Variants in FKBP11 observed in about 807,000 individuals in gnomAD.
FKBP11 encodes the protein FKBP prolyl isomerase 11.
Under a neutral mutation model 24.7 loss-of-function variants are expected in FKBP11, and 21 were observed. The observed-to-expected ratio is 0.85, with a 90% confidence interval of 0.60 to 1.23. FKBP11 has a LOEUF of 1.23. Among genes scored for constraint, FKBP11 ranks in the 50% most tolerant of loss-of-function variants. FKBP11 has a pLI of 0.00. For synonymous variants in FKBP11, 106 were observed against 100.6 expected (o/e 1.05, Z -0.32); for missense variants, 245 against 248.7 (o/e 0.99, Z 0.10).
Position 48,924,273 on chromosome 12 carries a change from C to A in FKBP11, c.284-17G>T. On this transcript the variant is annotated splice_polypyrimidine_tract_variant and intron_variant, in intron 3 of 5. Transcript: ENST00000550765. ...GCTCCAGACCTTGAAGAAGAAGACA[C>A]AACTGAACTGGAAGCTATCCACCTT... The A allele has an allele frequency of 1.2e-6, 2 of 1,614,200 alleles. No individual in the cohort carries two copies. Among genetic ancestry groups the A allele is most frequent in the East Asian group, 4.5e-5 (2 of 44,886 alleles).
chr12:48,924,727 T>A (rs1415457072), intron 2 of FKBP11, 79 bp from the exon 3 acceptor site: 7 of 1,582,368 alleles, frequency 4.4e-6, no homozygotes, highest in Middle Eastern at 2.2e-4. Context: ...CCTGGACCGC[T>A]GGGCGGCGGC....
the FKBP11 span, among the ~76,000 whole-genome samples, chr12:48,933,176 T>C: frequency 6.6e-6 from 1 of 152,196 alleles, no homozygotes. Flanking sequence ...ATGATTCCAT[T>C]TCCTCTGTCC....
At chr12:48,927,359 G>T (rs1939991652), upstream of FKBP11, among the ~76,000 whole-genome samples, 1 of 151,468 alleles carries the variant, frequency 6.6e-6, no homozygotes, top group African/African-American at 2.4e-5. Context: ...AAAAAAAAAA[G>T]TCCCCTCAGC....
At chr12:48,937,457 G>A in the FKBP11 span, 19,370 of 152,578 alleles carry the variant, frequency 0.13, 1,813 homozygotes, top group African/African-American at 0.26. Flanking sequence ...ACAGAGAGAC[G>A]CAGTAGCAAC....
the FKBP11 span, chr12:48,931,553 T>A: frequency 2.4e-6 from 3 of 1,230,224 alleles, no homozygotes; most frequent in Non-Finnish European, 1.1e-6. Flanking sequence ...TGGCTGGAGA[T>A]ACAACTTAAT....
intron 2 of FKBP11, 30 bp downstream of exon 2, chr12:48,925,015 AG>A: frequency 2.0e-6 from 2 of 1,025,020 alleles, no homozygotes; most frequent in Non-Finnish European, 2.9e-6. Context: ...GCCCCCTCCC[AG>A]GCCCCGCCCC....
upstream of FKBP11, among the ~76,000 whole-genome samples, chr12:48,930,989 C>T (rs1345114240): frequency 2.0e-5 from 3 of 151,786 alleles, no homozygotes; most frequent in Admixed American, 2.0e-4. Flanking sequence ...ATTAGCCAGG[C>T]GTGGTGGCGG....
intron 5 of FKBP11, 107 bp downstream of exon 5, chr12:48,923,675 C>T (rs1939887597): frequency 1.9e-6 from 3 of 1,585,770 alleles, no homozygotes; most frequent in African/African-American, 1.3e-5. Flanking sequence ...TCTGTCTAAA[C>T]AAACTTGGTC....
chr12:48,925,637 C>G (rs1275190455), upstream of FKBP11: 29 of 625,166 alleles, frequency 4.6e-5, no homozygotes, highest in Admixed American at 6.2e-4. Flanking sequence ...CCTCCAAGAT[C>G]CGGAGGGCGC....
At chr12:48,928,816 A>ATATT (rs1339667231), upstream of FKBP11, among the ~76,000 whole-genome samples, 1 of 103,472 alleles carries the variant, frequency 9.7e-6, no homozygotes, top group Non-Finnish European at 2.0e-5. Flanking sequence ...ATAAACTTCT[A>ATATT]TCTTTTTTTT....
At chr12:48,922,331 G>A in intron 5 of FKBP11, 130 bp from the exon 6 acceptor site, 1 of 871,294 alleles carries the variant, frequency 1.1e-6, no homozygotes, top group Non-Finnish European at 1.7e-6. Context: ...TTTAAATGTG[G>A]GCTTGAATTC....
chr12:48,926,141 T>A (rs1939958737), upstream of FKBP11: 1 of 152,132 alleles, frequency 6.6e-6, no homozygotes. Flanking sequence ...GATCTTTTCC[T>A]CTGGTGCTAC....
chr12:48,927,600 C>T (rs914024900), upstream of FKBP11, among the ~76,000 whole-genome samples: 3 of 152,170 alleles, frequency 2.0e-5, no homozygotes, highest in East Asian at 3.8e-4. Context: ...GCCAAGAGAA[C>T]ATAAACAGAA....
intron 5 of FKBP11, 89 bp from the exon 6 acceptor site, chr12:48,922,290 A>AG: frequency 8.3e-7 from 1 of 1,201,844 alleles, no homozygotes. Flanking sequence ...CGTAGGCCAC[A>AG]GCAAAGCCAA....
At chr12:48,934,152 G>A in the FKBP11 span, among the ~76,000 whole-genome samples, 12 of 152,290 alleles carry the variant, frequency 7.9e-5, no homozygotes, top group Admixed American at 5.2e-4. Flanking sequence ...TGGAAGTGGT[G>A]TATGCAGTGA....
the FKBP11 span, chr12:48,937,350 C>G: frequency 2.0e-5 from 3 of 152,590 alleles, no homozygotes; most frequent in East Asian, 5.8e-4. Context: ...CAGGGCGCAG[C>G]CAGCACACAC....
chr12:48,933,726 G>A, the FKBP11 span, among the ~76,000 whole-genome samples: 1 of 151,382 alleles, frequency 6.6e-6, no homozygotes, highest in African/African-American at 2.4e-5. Context: ...TTAGCAGGGA[G>A]TTGTGGTGTG....
chr12:48,924,187 G>C, intron 4 of FKBP11, 36 bp downstream of exon 4: 1 of 1,612,080 alleles, frequency 6.2e-7, no homozygotes, highest in South Asian at 1.1e-5. Context: ...CCCATGCAAA[G>C]GGGGTACCCA....
the FKBP11 span, chr12:48,938,469 T>C: frequency 8.8e-6 from 4 of 452,042 alleles, no homozygotes; most frequent in Non-Finnish European, 1.8e-5. Flanking sequence ...TCTATACATG[T>C]ATATACAGGC....
Sources: gnomAD v4.1 joint callset for allele counts (sites outside exome capture counted in the v4.1 genomes callset) on GRCh38, gnomAD v4.1.1 for gene constraint, MANE v1.5 for transcripts, NCBI Gene and HGNC (gene_info 2026-07-23, HGNC 2026-07-21) for gene names.